ATP8A2: variants seen among roughly 807,000 people sequenced by gnomAD.
ATP8A2 encodes phospholipid-transporting ATPase IB.
ATP8A2 carries 100 observed loss-of-function variants against 165.6 expected under a neutral mutation model. That is an observed-to-expected ratio of 0.60 (90% confidence interval 0.51 to 0.71). The LOEUF is 0.71. Ranked by LOEUF, ATP8A2 falls within the 30% of genes least tolerant of loss-of-function variation. The pLI, the probability that ATP8A2 is intolerant of heterozygous loss-of-function variation, is 0.00. For synonymous variants in ATP8A2, 543 were observed against 548.8 expected (o/e 0.99, Z 0.15); for missense variants, 1,227 against 1,479.5 (o/e 0.83, Z 2.80).
intron 13 of ATP8A2, among the ~76,000 whole-genome samples, chr13:25,558,535 G>T (rs905914963): frequency 2.0e-5 from 3 of 152,148 alleles, no homozygotes; most frequent in African/African-American, 7.2e-5. Context: ...CCCTAGACCA[G>T]TTCTCTGGGA....
intron 24 of ATP8A2, among the ~76,000 whole-genome samples, chr13:25,613,181 T>G (rs1290443381): frequency 1.3e-5 from 2 of 152,240 alleles, no homozygotes; most frequent in Non-Finnish European, 2.9e-5. Context: ...GTTACCTGAA[T>G]ACCTTATTTT....
chr13:25,610,512 C>T (rs371082060), intron 24 of ATP8A2, among the ~76,000 whole-genome samples: 26 of 152,200 alleles, frequency 1.7e-4, no homozygotes, highest in African/African-American at 5.3e-4. Flanking sequence ...GTTTTGTTGA[C>T]GATAGCCTTA....
At chr13:25,701,946 G>A (rs2042960286) in intron 25 of ATP8A2, among the ~76,000 whole-genome samples, 1 of 152,048 alleles carries the variant, frequency 6.6e-6, no homozygotes, top group Non-Finnish European at 1.5e-5. Context: ...ATTTAGGATA[G>A]TGCATCATTT....
At chr13:25,416,186 C>T (rs186241972) in intron 1 of ATP8A2, among the ~76,000 whole-genome samples, 108 of 152,242 alleles carry the variant, frequency 7.1e-4, no homozygotes, top group Middle Eastern at 6.8e-3. Context: ...TCACCTCCAC[C>T]CACCCCCTAG....
At chr13:25,538,511 G>A (rs1379079945) in intron 7 of ATP8A2, among the ~76,000 whole-genome samples, 1 of 152,128 alleles carries the variant, frequency 6.6e-6, no homozygotes, top group Non-Finnish European at 1.5e-5. Flanking sequence ...ACCAGCAGAT[G>A]GTGTTTGCTC....
intron 27 of ATP8A2, among the ~76,000 whole-genome samples, chr13:25,797,999 T>C (rs1290381067): frequency 6.6e-6 from 1 of 152,224 alleles, no homozygotes; most frequent in African/African-American, 2.4e-5. Flanking sequence ...TTACAAAAGT[T>C]TGATCTATAT....
intron 33 of ATP8A2, among the ~76,000 whole-genome samples, chr13:25,878,396 G>T (rs1952877528): frequency 1.3e-5 from 2 of 152,044 alleles, no homozygotes; most frequent in Admixed American, 1.3e-4. Context: ...GCACAAGAAA[G>T]AATTCAGGGC....
At chr13:25,598,000 T>A (rs1265648365) in intron 24 of ATP8A2, among the ~76,000 whole-genome samples, 1 of 151,964 alleles carries the variant, frequency 6.6e-6, no homozygotes, top group East Asian at 1.9e-4. Flanking sequence ...CTTCCAGGAG[T>A]TTTGTAGTTT....
chr13:25,668,141 T>A (rs899354573), intron 24 of ATP8A2, among the ~76,000 whole-genome samples: 1 of 152,200 alleles, frequency 6.6e-6, no homozygotes, highest in East Asian at 1.9e-4. Context: ...GATTGTTATT[T>A]CTTCATATAG....
chr13:25,457,695 T>C (rs1280245407), intron 1 of ATP8A2, among the ~76,000 whole-genome samples: 1 of 152,214 alleles, frequency 6.6e-6, no homozygotes, highest in Non-Finnish European at 1.5e-5. Flanking sequence ...CCTGAGTCGG[T>C]TGTGGAGGCC....
intron 15 of ATP8A2, among the ~76,000 whole-genome samples, chr13:25,560,784 C>G (rs1231004568): frequency 6.6e-6 from 1 of 151,016 alleles, no homozygotes; most frequent in Non-Finnish European, 1.5e-5. Context: ...GAGAGTTTAT[C>G]TCCTACTCTT....
chr13:25,679,980 A>G (rs2042450756), intron 24 of ATP8A2, among the ~76,000 whole-genome samples: 1 of 152,332 alleles, frequency 6.6e-6, no homozygotes, highest in Non-Finnish European at 1.5e-5. Context: ...AGTGATTCAC[A>G]GTAGCTTCTA....
chr13:25,962,020 G>C (rs1955671981), intron 34 of ATP8A2, among the ~76,000 whole-genome samples: 1 of 152,006 alleles, frequency 6.6e-6, no homozygotes, highest in South Asian at 2.1e-4. Flanking sequence ...GCAAGACCCT[G>C]TCTTTAAATA....
At chr13:25,436,873 G>T (rs1038454206) in intron 1 of ATP8A2, among the ~76,000 whole-genome samples, 1 of 151,798 alleles carries the variant, frequency 6.6e-6, no homozygotes, top group Non-Finnish European at 1.5e-5. Flanking sequence ...GCCTCTCAGG[G>T]TTAGGTGATC....
At position 25,961,498 on chromosome 13, in the gene ATP8A2, T is replaced by C. The variant is rs567437356; in HGVS notation, c.3184-77T>C. ...TCTGTTGTTTTTGTGTTGTGAAATA[T>C]TATCCTTGATTACATTATGTTGCTC... On this transcript the variant is annotated intron_variant, in intron 33 of 36. Transcript: ENST00000381655. 500 of 1,206,374 alleles carry C rather than the reference T, an allele frequency of 4.1e-4. 2 individuals carry two copies. Among genetic ancestry groups the C allele is most frequent in the Non-Finnish European group, 4.1e-4 (338 of 817,596 alleles). The allele number at this position is 1,206,374 out of a possible 1,614,324, so 74.7% of individuals were successfully genotyped here.
intron 33 of ATP8A2, among the ~76,000 whole-genome samples, chr13:25,926,939 T>C (rs938271042): frequency 2.0e-5 from 3 of 152,242 alleles, no homozygotes; most frequent in South Asian, 2.1e-4. Context: ...GTGACTTCTA[T>C]TGGTGCCCAG....
At chr13:25,789,222 C>T (rs530109125) in intron 27 of ATP8A2, among the ~76,000 whole-genome samples, 88 of 152,224 alleles carry the variant, frequency 5.8e-4, no homozygotes, top group African/African-American at 2.0e-3. Flanking sequence ...CATATGCAGT[C>T]ACTACAATTT....
intron 10 of ATP8A2, 110 bp downstream of exon 10, chr13:25,543,512 C>A: frequency 1.5e-6 from 1 of 670,012 alleles, no homozygotes; most frequent in South Asian, 2.4e-5. Context: ...GTCTATGAAC[C>A]TAAATTTGGA....
chr13:25,772,743 T>A (rs57959883), intron 26 of ATP8A2, among the ~76,000 whole-genome samples: 73,332 of 147,900 alleles, frequency 0.5, 18,603 homozygotes, highest in African/African-American at 0.6. Context: ...TTAATTTATT[T>A]ATTTATTTAT....
Sources: allele counts gnomAD v4.1 joint callset (sites outside exome capture counted in the v4.1 genomes callset), GRCh38; gene constraint gnomAD v4.1.1; transcripts MANE v1.5; gene names NCBI Gene and HGNC (gene_info 2026-07-23, HGNC 2026-07-21).